PROM1: variants seen among roughly 807,000 people sequenced by gnomAD.
PROM1 encodes the protein prominin 1.
In PROM1, 105 loss-of-function variants were observed where a neutral mutation model predicts 116.9. That is an observed-to-expected ratio of 0.90 (90% confidence interval 0.77 to 1.06). The LOEUF is 1.06. PROM1 is among the 50% of genes least tolerant of loss of function. PROM1 has a pLI of 0.00. For synonymous variants in PROM1, 393 were observed against 387.0 expected (o/e 1.02, Z -0.18); for missense variants, 1,122 against 1,045.2 (o/e 1.07, Z -1.01).
chr4:16,012,726 C>T (rs1274418144), intron 11 of PROM1, among the ~76,000 whole-genome samples: 5 of 151,828 alleles, frequency 3.3e-5, no homozygotes, highest in Non-Finnish European at 7.4e-5. Context: ...AAAAAATTAG[C>T]CGGGTGTGGT....
intron 23 of PROM1, among the ~76,000 whole-genome samples, chr4:15,981,397 C>T (rs1444748905): frequency 1.3e-5 from 2 of 151,644 alleles, no homozygotes; most frequent in African/African-American, 2.4e-5. Flanking sequence ...AGTGAAACCC[C>T]GTCTCTACTA....
intron 2 of PROM1, among the ~76,000 whole-genome samples, chr4:16,066,585 G>A (rs952411113): frequency 6.6e-6 from 1 of 152,150 alleles, no homozygotes; most frequent in Non-Finnish European, 1.5e-5. Context: ...CAGGCCACCT[G>A]TGTCATCTCT....
chr4:16,068,082 C>A (rs971603584), intron 2 of PROM1, among the ~76,000 whole-genome samples: 1 of 152,108 alleles, frequency 6.6e-6, no homozygotes, highest in Non-Finnish European at 1.5e-5. Context: ...AGTAGATGTA[C>A]AGAGAAGCCA....
intron 10 of PROM1, among the ~76,000 whole-genome samples, 187 bp downstream of exon 10, chr4:16,015,979 A>T (rs1006334775): frequency 6.6e-6 from 1 of 152,134 alleles, no homozygotes; most frequent in South Asian, 2.1e-4. Context: ...CACATCATAG[A>T]TGCTTAACAA....
At chr4:15,997,983 G>T (rs1170145632) in intron 15 of PROM1, among the ~76,000 whole-genome samples, 1 of 152,198 alleles carries the variant, frequency 6.6e-6, no homozygotes, top group East Asian at 1.9e-4. Flanking sequence ...ACAGCAGACA[G>T]CTCTCCAACT....
rs188082287 is a variant in PROM1 at position 16,074,045 on chromosome 4, G to A, written c.220+1642C>T. ...AGGAAATGATTGTAAATTCATATTC[G>A]ACAACTGAATTCTATGCCTTTTATA... On this transcript the variant is annotated intron_variant, in intron 2 of 27. Transcript: ENST00000447510. Among the ~76,000 whole-genome samples, 8 of 152,214 alleles carry A rather than the reference G, an allele frequency of 5.3e-5. 1 individual carries two copies. The East Asian group carries it at 1.3e-3, about 26-fold the overall frequency.
intron 2 of PROM1, among the ~76,000 whole-genome samples, chr4:16,047,877 G>A (rs1736903632): frequency 6.6e-6 from 1 of 152,102 alleles, no homozygotes; most frequent in African/African-American, 2.4e-5. Context: ...AAGGGCAAGA[G>A]GCCACACATA....
chr4:16,019,761 G>A (rs1729342425), intron 8 of PROM1, among the ~76,000 whole-genome samples: 1 of 152,126 alleles, frequency 6.6e-6, no homozygotes, highest in African/African-American at 2.4e-5. Context: ...AGATGGTGGA[G>A]GATCAAGCTG....
intron 26 of PROM1, among the ~76,000 whole-genome samples, chr4:15,977,194 CAT>C (rs1491217163): frequency 6.6e-6 from 1 of 151,900 alleles, no homozygotes. Flanking sequence ...CCCAGGCTTG[CAT>C]CTCTCTCTCT....
In PROM1 at chr4:16,013,696, G is replaced by T. The variant is rs756364435; in HGVS notation, c.1078-358C>A. 4.6e-5 allele frequency among the ~76,000 whole-genome samples: 7 copies of T among 152,298 alleles called. No individual in the cohort carries two copies. The South Asian group carries it at 1.0e-3, about 23-fold the overall frequency. ...TCTCAACTAGGGTATGTTTGGCAAA[G>T]TCTGGAGACATTTTGGTTATCACAG... On this transcript the variant is annotated intron_variant, in intron 10 of 27. Transcript: ENST00000447510.
chr4:16,026,467 T>C (rs1243477258), intron 5 of PROM1, among the ~76,000 whole-genome samples: 3 of 129,026 alleles, frequency 2.3e-5, no homozygotes, highest in Non-Finnish European at 4.7e-5. Context: ...GATATGGTTT[T>C]AGAACTAAAG....
At chr4:15,976,944 G>A (rs1716289421) in intron 26 of PROM1, among the ~76,000 whole-genome samples, 2 of 152,194 alleles carry the variant, frequency 1.3e-5, no homozygotes, top group African/African-American at 4.8e-5. Context: ...AGCCCTGGGA[G>A]CAGTGACTGG....
At chr4:16,062,053 G>A (rs888767305) in intron 2 of PROM1, among the ~76,000 whole-genome samples, 10 of 151,932 alleles carry the variant, frequency 6.6e-5, no homozygotes, top group Admixed American at 2.6e-4. Flanking sequence ...CACCACGCCC[G>A]GCTAATTTTT....
chr4:16,073,873 T>C (rs1319921543), intron 2 of PROM1, among the ~76,000 whole-genome samples: 2 of 152,182 alleles, frequency 1.3e-5, no homozygotes, highest in Non-Finnish European at 2.9e-5. Context: ...TACATTGCTT[T>C]TCCTTATTAA....
At chr4:16,022,717 G>A (rs990478634) in intron 8 of PROM1, among the ~76,000 whole-genome samples, 2 of 152,136 alleles carry the variant, frequency 1.3e-5, no homozygotes, top group Non-Finnish European at 2.9e-5. Flanking sequence ...GGCCTAGGAG[G>A]TCTTTTTTCA....
Position 16,006,534 on chromosome 4 carries a change from T to G in PROM1, c.1454+4A>C. ...CCACATGACAGAGAGGAGCAGACAC[T>G]CACACCATGAGGAAGACGCCTCCGG... On this transcript the variant is annotated splice_donor_region_variant and intron_variant, in intron 13 of 27. Transcript: ENST00000447510. 1 of 1,583,760 alleles carries G rather than the reference T, an allele frequency of 6.3e-7. No homozygotes were observed. Among genetic ancestry groups the G allele is most frequent in the South Asian group, 1.2e-5 (1 of 86,340 alleles).
chr4:16,033,902 C>CATAT (rs35739890), intron 4 of PROM1, among the ~76,000 whole-genome samples: 75 of 147,154 alleles, frequency 5.1e-4, no homozygotes, highest in South Asian at 1.9e-3. Context: ...TGAATGTGTA[C>CATAT]ATATATATAT....
intron 27 of PROM1, among the ~76,000 whole-genome samples, chr4:15,969,799 ACTC>A (rs1713952497): frequency 6.6e-6 from 1 of 151,260 alleles, no homozygotes; most frequent in African/African-American, 2.4e-5. Flanking sequence ...CTGGTCTCGA[ACTC>A]CTAACCCCAA....
At chr4:15,988,342 C>T (rs772462119) in intron 19 of PROM1, among the ~76,000 whole-genome samples, 13 of 152,172 alleles carry the variant, frequency 8.5e-5, no homozygotes, top group Non-Finnish European at 1.3e-4. Context: ...GAGCCTGCCC[C>T]GCAAGAGTGG....
Sources: allele counts gnomAD v4.1 joint callset (sites outside exome capture counted in the v4.1 genomes callset), GRCh38; gene constraint gnomAD v4.1.1; transcripts MANE v1.5; gene names NCBI Gene and HGNC (gene_info 2026-07-23, HGNC 2026-07-21).